The following PARK7 variants were observed in gnomAD, a reference collection of about 807,000 sequenced individuals.
PARK7 encodes Parkinsonism associated deglycase, also known as Parkinson disease protein 7.
Under a neutral mutation model 20.5 loss-of-function variants are expected in PARK7, and 14 were observed. The observed-to-expected ratio is 0.68, with a 90% CI of 0.45 to 1.07. PARK7 has a LOEUF of 1.07. Among genes scored for constraint, PARK7 ranks in the 50% least tolerant of loss-of-function variants. PARK7 has a pLI of 0.00. For synonymous variants in PARK7, 98 were observed against 84.3 expected (o/e 1.16, Z -0.89); for missense variants, 234 against 238.1 (o/e 0.98, Z 0.11).
chr1:7,973,673 C>T (rs2151434002), intron 5 of PARK7, among the ~76,000 whole-genome samples: 1 of 151,610 alleles, frequency 6.6e-6, no homozygotes, highest in South Asian at 2.1e-4. Flanking sequence ...AAGATTGCGC[C>T]ATTGCACTCC....
At position 7,962,845 on chromosome 1, in the gene PARK7, C is replaced by T; in HGVS notation, c.60C>T (p.Val20=). 6.2e-7 allele frequency: 1 copy of T among 1,612,704 alleles called. No individual in the cohort carries two copies. The highest frequency in any genetic ancestry group is 8.5e-7 in the Non-Finnish European group (1 of 1,179,796). The change falls in exon 2 of 7, where the codon GTC becomes GTT. Residue 20 remains valine (V), a synonymous_variant. Transcript: ENST00000338639. ...AAGGAGCAGAGGAAATGGAGACGGT[C>T]ATCCCTGTAGATGTCATGAGGCGAG... The part of the protein sequence containing the change: ...LAKGAEEMET[V]IPVDVMRRAG...
At chr1:7,976,172 G>A (rs1216816026) in intron 5 of PARK7, among the ~76,000 whole-genome samples, 1 of 152,146 alleles carries the variant, frequency 6.6e-6, no homozygotes, top group East Asian at 1.9e-4. Flanking sequence ...GACCTCTCAG[G>A]TTTGCTGACA....
At position 7,971,394 on chromosome 1, in the gene PARK7, G is replaced by A. The variant is rs574383751; in HGVS notation, c.322+431G>A. The stretch of plus-strand genomic sequence containing the variant: ...GGTGCTTTCCGCTGGCTTCTCGGGC[G>A]TTTCTGATTGTCTCAGTACCGAGTG... On this transcript the variant is annotated intron_variant, in intron 5 of 6. Coordinates refer to ENST00000338639, the MANE Select transcript of PARK7 (RefSeq NM_007262.5). 2.7e-5 allele frequency: 7 copies of A among 257,602 alleles called. No individual in the cohort carries two copies. The East Asian group carries it at 3.8e-4, about 14-fold the overall frequency. The allele number at this position is 257,602 out of a possible 1,614,324, so 16.0% of individuals were successfully genotyped here.
chr1:7,970,001 A>G (rs2151431743), intron 4 of PARK7, among the ~76,000 whole-genome samples: 1 of 152,208 alleles, frequency 6.6e-6, no homozygotes, highest in South Asian at 2.1e-4. Context: ...AGACCAGCCT[A>G]AGTAACACAT....
chr1:7,980,578 C>G (rs1232645134), intron 6 of PARK7, among the ~76,000 whole-genome samples: 1 of 152,200 alleles, frequency 6.6e-6, no homozygotes, highest in Non-Finnish European at 1.5e-5. Flanking sequence ...CAAGCCCAGC[C>G]CTCTGCCTTG....
At chr1:7,981,703 G>C (rs1640713626) in intron 6 of PARK7, among the ~76,000 whole-genome samples, 1 of 144,996 alleles carries the variant, frequency 6.9e-6, no homozygotes, top group African/African-American at 2.5e-5. Context: ...CTGTCATCCA[G>C]GCTGGAGTAC....
chr1:7,985,082 G>T lies in PARK7; in HGVS notation c.*28G>T, dbSNP rs771468418. 1 of 1,609,210 alleles carries T rather than the reference G, an allele frequency of 6.2e-7. No individual in the cohort carries two copies. The highest frequency in any genetic ancestry group is 8.5e-7 in the Non-Finnish European group (1 of 1,178,042). Reference sequence around the variant, plus strand: ...CAGCGAACTGCGACGATCACTTAGAGAAACAGGCCGTTAGGAATCCATTCT... The same window carrying T: ...CAGCGAACTGCGACGATCACTTAGATAAACAGGCCGTTAGGAATCCATTCT... On this transcript the variant is annotated 3_prime_UTR_variant, in exon 7 of 7. Coordinates refer to ENST00000338639, the MANE Select transcript of PARK7 (RefSeq NM_007262.5).
chr1:7,969,673 T>C (rs910093214), intron 4 of PARK7, among the ~76,000 whole-genome samples: 3 of 151,970 alleles, frequency 2.0e-5, no homozygotes, highest in Non-Finnish European at 4.4e-5. Context: ...CTCCGCCTCC[T>C]GGGTTCAAGC....
At chr1:7,970,035 T>A (rs537736019) in intron 4 of PARK7, among the ~76,000 whole-genome samples, 18 of 150,336 alleles carry the variant, frequency 1.2e-4, no homozygotes, top group Admixed American at 3.9e-4. Context: ...CTACAAAAAA[T>A]TTTCTTTTAA....
At chr1:7,966,089 C>A (rs975856317) in intron 3 of PARK7, among the ~76,000 whole-genome samples, 1 of 152,110 alleles carries the variant, frequency 6.6e-6, no homozygotes, top group Admixed American at 6.5e-5. Context: ...GCTAGCATCC[C>A]TTTCCTCAGA....
intron 6 of PARK7, among the ~76,000 whole-genome samples, chr1:7,978,740 G>C (rs1209986685): frequency 6.6e-6 from 1 of 151,956 alleles, no homozygotes; most frequent in Non-Finnish European, 1.5e-5. Context: ...CAGCTGCTCA[G>C]GAGGCTGAGG....
chr1:7,967,292 C>A (rs72634209), intron 3 of PARK7, among the ~76,000 whole-genome samples: 79 of 152,178 alleles, frequency 5.2e-4, no homozygotes, highest in Admixed American at 1.2e-3. Context: ...TGTATAAATG[C>A]CACATTTTCT....
chr1:7,982,363 C>A (rs1640730072), intron 6 of PARK7, among the ~76,000 whole-genome samples: 1 of 152,090 alleles, frequency 6.6e-6, no homozygotes, highest in African/African-American at 2.4e-5. Context: ...AAAATCAATG[C>A]CTTCTGCTGG....
At chr1:7,971,283 G>A (rs1408431204) in intron 5 of PARK7, 1 of 405,898 alleles carries the variant, frequency 2.5e-6, no homozygotes, top group African/African-American at 2.0e-5. Flanking sequence ...GAAAGTCTTT[G>A]TGCCAGCACA....
rs2124008144 is a variant in PARK7, at chr1:7,985,348, C to T, written c.*294C>T. On this transcript the variant is annotated 3_prime_UTR_variant, in exon 7 of 7. Transcript: ENST00000338639. ...TTAAATTCCGTATCACCTTCATTTG[C>T]AGCTCTTAACTGTCCATATGGCACT... The T allele has an allele frequency of 4.9e-6, 2 of 409,066 alleles. No individual in the cohort carries two copies. The highest frequency in any genetic ancestry group is 9.2e-6 in the Non-Finnish European group (2 of 216,842). The allele number at this position is 409,066 out of a possible 1,614,324, so 25.3% of individuals were successfully genotyped here.
intron 5 of PARK7, 130 bp downstream of exon 5, chr1:7,971,093 TTG>T: frequency 1.0e-6 from 1 of 998,804 alleles, no homozygotes; most frequent in Non-Finnish European, 1.6e-6. Flanking sequence ...TGTATTTAGT[TTG>T]GGTGGCATGA....
chr1:7,965,663 A>C lies in PARK7; in HGVS notation c.192+238A>C, dbSNP rs325960. On this transcript the variant is annotated intron_variant, in intron 3 of 6. Transcript: ENST00000338639. ...GCTGGATGGGTAGGTGGCCGGTTGG[A>C]TGTGTGGCCAGATGGGTGGGTTGGT... 0.062 allele frequency among the ~76,000 whole-genome samples: 9,386 copies of C among 152,144 alleles called. 1,431 individuals are homozygous for C. Among genetic ancestry groups the C allele is most frequent in the East Asian group, 0.57 (2,931 of 5,164 alleles).
intron 5 of PARK7, among the ~76,000 whole-genome samples, chr1:7,974,147 C>A (rs1640525175): frequency 1.4e-5 from 2 of 145,994 alleles, no homozygotes; most frequent in African/African-American, 2.6e-5. Flanking sequence ...CCCCCACCGA[C>A]CTCTACAAAA....
At chr1:7,968,186 T>TAATC (rs1193986408) in intron 3 of PARK7, among the ~76,000 whole-genome samples, 1 of 150,324 alleles carries the variant, frequency 6.7e-6, no homozygotes, top group Non-Finnish European at 1.5e-5. Context: ...TGGGTACCTG[T>TAATC]AATCCCAGTT....
Sources: gnomAD v4.1 joint callset for allele counts (sites outside exome capture counted in the v4.1 genomes callset) on GRCh38, gnomAD v4.1.1 for gene constraint, MANE v1.5 for transcripts, NCBI Gene and HGNC (gene_info 2026-07-23, HGNC 2026-07-21) for gene names.